Variants in DHDH observed in about 807,000 individuals in gnomAD.
DHDH encodes the protein dihydrodiol dehydrogenase, also known as trans-1,2-dihydrobenzene-1,2-diol dehydrogenase.
A neutral mutation model predicts 33.2 loss-of-function variants in DHDH; 29 were observed. The observed-to-expected ratio is 0.87, with a 90% CI of 0.65 to 1.19. DHDH has a LOEUF of 1.19. Among genes scored for constraint, DHDH ranks in the 50% most tolerant of loss-of-function variants. DHDH has a pLI of 0.00. For missense variants in DHDH, 431 were observed against 455.0 expected (o/e 0.95, Z 0.48); for synonymous variants, 201 against 187.9 (o/e 1.07, Z -0.57).
At position 48,941,799 on chromosome 19, in the gene DHDH, AG is replaced by A. The variant is rs2037864962; in HGVS notation, c.620-640del. Among the ~76,000 whole-genome samples, 4 of 150,332 alleles carry A rather than the reference AG, an allele frequency of 2.7e-5. No homozygotes were observed. In the Admixed American group the frequency reaches 2.7e-4, roughly 10 times the overall value. ...AGGGATCCTCCACCTCAGCCTCCTG[AG>A]TAGCTAGGATCACAGGCACAAGCCA... On this transcript the variant is annotated intron_variant, in intron 4 of 6. Coordinates refer to ENST00000221403, the MANE Select transcript of DHDH (RefSeq NM_014475.4).
Position 48,944,865 on chromosome 19 carries a change from C to G in DHDH, c.937C>G (p.Leu313Val), listed in dbSNP as rs773802985. ...TGTGATTCCCCTGTCGGAAAGTGAG[C>G]TCCTGGCTGACATCCTTGAAGAGGT... ...SPVIPLSESELLADILEEVRK... is the reference protein window; with the variant it reads ...SPVIPLSESEVLADILEEVRK... Residue 313 changes from leucine to valine, a missense_variant, in exon 7 of 7, where the codon CTC becomes GTC. Leu to Val is a conservative substitution (Grantham distance 32). Transcript: ENST00000221403. The G allele has an allele frequency of 1.2e-5, 19 of 1,613,930 alleles. No individual in the cohort carries two copies. In the East Asian group the frequency reaches 4.0e-4, roughly 34 times the overall value.
intron 3 of DHDH, 71 bp downstream of exon 3, chr19:48,936,266 G>A (rs1402458918): frequency 1.4e-5 from 20 of 1,474,428 alleles, no homozygotes; most frequent in Non-Finnish European, 1.5e-5. Context: ...GCCAGTGCGC[G>A]GACGGGGTCA....
chr19:48,942,422 C>CCCTGCCCTGAT lies in DHDH; in HGVS notation c.620-16_620-15insTGCCCTGATCC. The CCCTGCCCTGAT allele has an allele frequency of 6.3e-7, 1 of 1,592,342 alleles. No homozygotes were observed. The highest frequency in any genetic ancestry group is 2.3e-5 in the East Asian group (1 of 44,404). ...TCTGCCCTGAGAGACCCTGCCCTGA[C>CCCTGCCCTGAT]CCAGGACTTCCCTCCAGGTGTGGAT... On this transcript the variant is annotated splice_polypyrimidine_tract_variant and intron_variant, in intron 4 of 6. Transcript: ENST00000221403.
intron 4 of DHDH, 112 bp downstream of exon 4, chr19:48,939,813 G>A: frequency 6.3e-6 from 9 of 1,437,360 alleles, no homozygotes; most frequent in Non-Finnish European, 8.3e-6. Flanking sequence ...GACACCTAGA[G>A]GAACAACTTT....
chr19:48,938,683 C>G (rs901757454), intron 3 of DHDH, among the ~76,000 whole-genome samples: 3 of 147,530 alleles, frequency 2.0e-5, no homozygotes, highest in Admixed American at 1.4e-4. Context: ...CTCGCTCTGT[C>G]GCCCAGGCTG....
At chr19:48,940,107 C>T (rs1448871893) in intron 4 of DHDH, among the ~76,000 whole-genome samples, 1 of 152,132 alleles carries the variant, frequency 6.6e-6, no homozygotes, top group Admixed American at 6.6e-5. Context: ...GTAATTCCAG[C>T]ACTTTGGGAG....
intron 4 of DHDH, among the ~76,000 whole-genome samples, chr19:48,940,976 C>T (rs936640682): frequency 6.1e-5 from 9 of 148,086 alleles, no homozygotes; most frequent in Admixed American, 2.0e-4. Context: ...CCACCGCCCC[C>T]GGCAAGCCAG....
At position 48,936,130 on chromosome 19, in the gene DHDH, G is replaced by A. The variant is rs746214880; in HGVS notation, c.301G>A (p.Val101Met). 1.2e-6 allele frequency: 2 copies of A among 1,610,122 alleles called. No individual in the cohort carries two copies. Among genetic ancestry groups the A allele is most frequent in the African/African-American group, 1.3e-5 (1 of 75,052 alleles). ...CGTTCTGTGCGAGAAGCCCACGGGCGTGAACGCGGCGGAAGTTCGCGAGAT... is the reference window on the plus strand; with the variant it reads ...CGTTCTGTGCGAGAAGCCCACGGGCATGAACGCGGCGGAAGTTCGCGAGAT... ...KAVLCEKPTG[V>M]NAAEVREMVA... The change falls in exon 3 of 7, where the codon GTG becomes ATG. Residue 101 changes from valine (V) to methionine (M), a missense_variant. Val to Met is a conservative substitution (Grantham distance 21). Coordinates refer to ENST00000221403, the MANE Select transcript of DHDH (RefSeq NM_014475.4).
chr19:48,935,906 AAGG>A, intron 2 of DHDH, 123 bp from the exon 3 acceptor site: 1 of 1,172,668 alleles, frequency 8.5e-7, no homozygotes, highest in East Asian at 2.6e-5. Context: ...ACAGCTCCCT[AAGG>A]GAGACAGGGG....
chr19:48,935,167 G>C (rs1337852028), intron 2 of DHDH, 56 bp downstream of exon 2: 2 of 1,404,606 alleles, frequency 1.4e-6, no homozygotes, highest in Non-Finnish European at 1.9e-6. Context: ...GGTGCCCCCT[G>C]GCTGCCCCCT....
intron 4 of DHDH, among the ~76,000 whole-genome samples, chr19:48,940,356 A>C (rs976527780): frequency 6.9e-6 from 1 of 144,112 alleles, no homozygotes; most frequent in Non-Finnish European, 1.5e-5. Flanking sequence ...CTCCATCTCA[A>C]AAAAAAAAAA....
In DHDH at chr19:48,935,645, A is replaced by C. The variant is rs367550009; in HGVS notation, c.203-387A>C. 2.0e-4 allele frequency among the ~76,000 whole-genome samples: 30 copies of C among 151,142 alleles called. No individual in the cohort carries two copies. In the East Asian group the frequency reaches 5.5e-3, roughly 28 times the overall value. On this transcript the variant is annotated intron_variant, in intron 2 of 6. Transcript: ENST00000221403. ...ATCCTGGCTAATACGGTGAAACCGCATCTCCACTAAAAATACAAAAAATTA... is the reference window on the plus strand; with the variant it reads ...ATCCTGGCTAATACGGTGAAACCGCCTCTCCACTAAAAATACAAAAAATTA...
Position 48,944,858 on chromosome 19 carries a change from A to T in DHDH, c.930A>T (p.Glu310Asp), listed in dbSNP as rs1186261528. 6.2e-7 allele frequency: 1 copy of T among 1,613,812 alleles called. No homozygotes were observed. Among genetic ancestry groups the T allele is most frequent in the Non-Finnish European group, 8.5e-7 (1 of 1,180,012 alleles). ...MKESPVIPLS[E>D]SELLADILEE... is the part of the protein sequence containing the mutation. ...AAAGTCCTGTGATTCCCCTGTCGGA[A>T]AGTGAGCTCCTGGCTGACATCCTTG... is the stretch of plus-strand genomic sequence containing the variant. Residue 310 changes from glutamate (E) to aspartate (D), a missense_variant, in exon 7 of 7, where the codon GAA (glutamate) becomes GAT (aspartate). Transcript: ENST00000221403.
At chr19:48,937,991 C>A (rs1354031625) in intron 3 of DHDH, among the ~76,000 whole-genome samples, 1 of 152,004 alleles carries the variant, frequency 6.6e-6, no homozygotes, top group Non-Finnish European at 1.5e-5. Flanking sequence ...GCGTGAAGGA[C>A]CCTCCATTTT....
intron 2 of DHDH, among the ~76,000 whole-genome samples, chr19:48,935,458 T>A (rs1220717327): frequency 1.3e-5 from 2 of 151,354 alleles, no homozygotes; most frequent in Non-Finnish European, 2.9e-5. Context: ...GAAGCAGAGG[T>A]TGAAGTGAGC....
chr19:48,937,492 A>G (rs1211975971), intron 3 of DHDH, among the ~76,000 whole-genome samples: 1 of 151,912 alleles, frequency 6.6e-6, no homozygotes. Flanking sequence ...CCTGGCCAAC[A>G]TGGCGAAACT....
intron 4 of DHDH, among the ~76,000 whole-genome samples, chr19:48,941,734 C>T (rs1312718013): frequency 6.8e-6 from 1 of 147,688 alleles, no homozygotes; most frequent in Non-Finnish European, 1.5e-5. Flanking sequence ...AGTGCAGTGG[C>T]ACAATCATTG....
chr19:48,937,191 G>C (rs1159963929), intron 3 of DHDH, among the ~76,000 whole-genome samples: 1 of 152,098 alleles, frequency 6.6e-6, no homozygotes, highest in Non-Finnish European at 1.5e-5. Flanking sequence ...ATCTTTGGGG[G>C]CACCAGTAGC....
intron 4 of DHDH, among the ~76,000 whole-genome samples, chr19:48,941,105 C>T (rs2037852690): frequency 6.6e-6 from 1 of 152,054 alleles, no homozygotes; most frequent in African/African-American, 2.4e-5. Context: ...TTCTGCTGGT[C>T]TTATTCCTGC....
Sources: gnomAD v4.1 joint callset for allele counts (sites outside exome capture counted in the v4.1 genomes callset) on GRCh38, gnomAD v4.1.1 for gene constraint, MANE v1.5 for transcripts, NCBI Gene and HGNC (gene_info 2026-07-23, HGNC 2026-07-21) for gene names.